Variants in STXBP5L observed in about 807,000 individuals in gnomAD.
The protein encoded by STXBP5L is syntaxin binding protein 5L, also known as syntaxin-binding protein 5-like.
In STXBP5L, 65 loss-of-function variants were observed where a neutral mutation model predicts 144.5. The observed-to-expected ratio is 0.45, with a 90% CI of 0.37 to 0.55. STXBP5L has a LOEUF of 0.55. Among genes scored for constraint, STXBP5L ranks in the 20% least tolerant of loss-of-function variants. STXBP5L has a pLI of 0.00. For missense variants in STXBP5L, 1,298 were observed against 1,405.5 expected, an observed-to-expected ratio of 0.92 and a Z score of 1.22; for synonymous variants, 505 against 469.6, an observed-to-expected ratio of 1.08 and a Z score of -0.97.
chr3:120,963,116 G>C (rs1296973911), intron 3 of STXBP5L, among the ~76,000 whole-genome samples: 1 of 152,042 alleles, frequency 6.6e-6, no homozygotes, highest in African/African-American at 2.4e-5. Flanking sequence ...GATTTTTGCA[G>C]ATTTATTTTG....
intron 19 of STXBP5L, among the ~76,000 whole-genome samples, chr3:121,317,321 T>A (rs2043818911): frequency 6.6e-6 from 1 of 152,178 alleles, no homozygotes; most frequent in Admixed American, 6.5e-5. Flanking sequence ...TGTGTCCTTT[T>A]CAAGCTATGT....
chr3:120,983,031 G>A (rs141046773), intron 3 of STXBP5L, among the ~76,000 whole-genome samples: 54 of 152,296 alleles, frequency 3.5e-4, no homozygotes, highest in Middle Eastern at 6.8e-3. Flanking sequence ...TCTCTGCCTT[G>A]AGCAGTGGAG....
chr3:121,013,172 C>G (rs760969974), intron 3 of STXBP5L, among the ~76,000 whole-genome samples: 1 of 151,888 alleles, frequency 6.6e-6, no homozygotes, highest in Non-Finnish European at 1.5e-5. Flanking sequence ...GGCCAAATGA[C>G]TTTTTGGTGG....
At chr3:121,226,335 GA>G (rs371049680) in intron 11 of STXBP5L, among the ~76,000 whole-genome samples, 22 of 152,278 alleles carry the variant, frequency 1.4e-4, no homozygotes, top group African/African-American at 5.3e-4. Flanking sequence ...GGTGAGGATA[GA>G]AAAAGAACTG....
At chr3:121,138,432 G>A (rs1272523961) in intron 7 of STXBP5L, among the ~76,000 whole-genome samples, 1 of 152,032 alleles carries the variant, frequency 6.6e-6, no homozygotes, top group Admixed American at 6.6e-5. Flanking sequence ...GGAACCATAA[G>A]AGACTCTAAA....
At chr3:121,313,888 C>G (rs1190029314) in intron 19 of STXBP5L, among the ~76,000 whole-genome samples, 2 of 145,092 alleles carry the variant, frequency 1.4e-5, no homozygotes, top group Non-Finnish European at 3.0e-5. Context: ...GACGGAGCGG[C>G]CGGGCAGAGA....
chr3:121,217,500 C>T (rs767449304), intron 10 of STXBP5L, among the ~76,000 whole-genome samples: 4 of 152,030 alleles, frequency 2.6e-5, no homozygotes, highest in Non-Finnish European at 4.4e-5. Flanking sequence ...GCTCACCCTC[C>T]GTGGTCTGCA....
At chr3:121,189,884 T>G (rs910793416) in intron 9 of STXBP5L, among the ~76,000 whole-genome samples, 2 of 152,200 alleles carry the variant, frequency 1.3e-5, no homozygotes, top group Non-Finnish European at 2.9e-5. Flanking sequence ...AACAGTTATA[T>G]TATAAATAAG....
chr3:121,376,586 G>A lies in STXBP5L; in HGVS notation c.2177-2130G>A, dbSNP rs890718601. Among the ~76,000 whole-genome samples the A allele has an allele frequency of 5.1e-4, 77 of 152,130 alleles. 1 individual carries two copies. Among genetic ancestry groups the A allele is most frequent in the Non-Finnish European group, 3.2e-4 (22 of 68,024 alleles). ...CTGAGGCCTCTGTTGTGTTCCACTG[G>A]TCTATATATCTGTTTTGGTGCCAGT... On this transcript the variant is annotated intron_variant, in intron 20 of 26. Coordinates refer to ENST00000471454, the MANE Select transcript of STXBP5L (RefSeq NM_001308330.2).
chr3:121,022,613 A>G (rs2020454), intron 3 of STXBP5L, among the ~76,000 whole-genome samples: 77,675 of 151,992 alleles, frequency 0.51, 20,309 homozygotes, highest in Admixed American at 0.6. Flanking sequence ...GCATACACAA[A>G]TCAATAAGTG....
In STXBP5L at chr3:121,239,093, A is replaced by G. The variant is rs748102751; in HGVS notation, c.1307A>G (p.His436Arg). ...GTACTGTATTCTATAGGAGTCAAGC[A>G]TAAAAAACAAGGATACAGTAATAAG... ...ILVLYSIGVKHKKQGYSNKEW... is the reference protein window; with the variant it reads ...ILVLYSIGVKRKKQGYSNKEW... Residue 436 changes from histidine (H) to arginine (R), a missense_variant, in exon 13 of 27, where the codon CAT becomes CGT. By Grantham distance (29) the His-to-Arg change is conservative. Transcript: ENST00000471454. The G allele has an allele frequency of 1.9e-6, 3 of 1,585,696 alleles. No individual in the cohort carries two copies. The highest frequency in any genetic ancestry group is 2.6e-6 in the Non-Finnish European group (3 of 1,166,654).
chr3:120,996,918 A>G (rs1355300856), intron 3 of STXBP5L, among the ~76,000 whole-genome samples: 1 of 152,122 alleles, frequency 6.6e-6, no homozygotes, highest in African/African-American at 2.4e-5. Flanking sequence ...TAATGAGCAT[A>G]GTAGTCAATA....
intron 20 of STXBP5L, among the ~76,000 whole-genome samples, chr3:121,341,367 G>A (rs908128967): frequency 2.0e-5 from 3 of 152,138 alleles, no homozygotes; most frequent in African/African-American, 7.2e-5. Context: ...ATATCCAAAA[G>A]ACAGGGAATA....
chr3:121,028,451 A>T (rs1045049635), intron 3 of STXBP5L, among the ~76,000 whole-genome samples: 5 of 152,130 alleles, frequency 3.3e-5, no homozygotes, highest in African/African-American at 1.2e-4. Context: ...CTTTCCTCAA[A>T]AATCATTGCA....
chr3:121,405,039 T>C (rs891329669), intron 22 of STXBP5L, among the ~76,000 whole-genome samples: 1 of 152,054 alleles, frequency 6.6e-6, no homozygotes, highest in South Asian at 2.1e-4. Context: ...TGTGTACACA[T>C]AGGGAGGGGG....
At chr3:120,971,484 A>C (rs1036548678) in intron 3 of STXBP5L, among the ~76,000 whole-genome samples, 3 of 151,852 alleles carry the variant, frequency 2.0e-5, no homozygotes, top group African/African-American at 7.3e-5. Context: ...ACATGTGGTT[A>C]GTGAGAACAT....
chr3:121,123,189 A>T (rs2044548965), intron 7 of STXBP5L, among the ~76,000 whole-genome samples: 1 of 151,568 alleles, frequency 6.6e-6, no homozygotes, highest in Non-Finnish European at 1.5e-5. Flanking sequence ...TAAAAATATT[A>T]ATTTTAAAAT....
chr3:121,100,429 C>G (rs1477430735), intron 5 of STXBP5L, among the ~76,000 whole-genome samples: 1 of 151,696 alleles, frequency 6.6e-6, no homozygotes, highest in Non-Finnish European at 1.5e-5. Flanking sequence ...TAAAAATAAT[C>G]AATACCAAGA....
chr3:121,178,764 C>T (rs1461624437), intron 9 of STXBP5L, among the ~76,000 whole-genome samples: 1 of 152,042 alleles, frequency 6.6e-6, no homozygotes, highest in African/African-American at 2.4e-5. Flanking sequence ...GCCATATAGG[C>T]ATTCTCAGTC....
Sources: gnomAD v4.1 joint callset for allele counts (sites outside exome capture counted in the v4.1 genomes callset) on GRCh38, gnomAD v4.1.1 for gene constraint, MANE v1.5 for transcripts, NCBI Gene and HGNC (gene_info 2026-07-23, HGNC 2026-07-21) for gene names.